Variants in USP34 observed in about 807,000 individuals in gnomAD.
USP34 encodes ubiquitin specific peptidase 34, also known as ubiquitin carboxyl-terminal hydrolase 34.
A neutral mutation model predicts 460.3 loss-of-function variants in USP34; 70 were observed. The observed-to-expected ratio is 0.15, with a 90% CI of 0.13 to 0.19. The LOEUF is 0.19. Among genes scored for constraint, USP34 ranks in the 10% least tolerant of loss-of-function variants. The pLI, the probability that USP34 is intolerant of heterozygous loss-of-function variation, is 1.00. For synonymous variants in USP34, 1,647 were observed against 1,405.3 expected, an observed-to-expected ratio of 1.17 and a Z score of -3.85; for missense variants, 3,985 against 4,236.2, an observed-to-expected ratio of 0.94 and a Z score of 1.65.
At chr2:61,387,565 T>C (rs1037458836) in intron 5 of USP34, among the ~76,000 whole-genome samples, 5 of 146,234 alleles carry the variant, frequency 3.4e-5, no homozygotes, top group African/African-American at 1.2e-4. Context: ...TATTTATATA[T>C]ACACACATAT....
intron 21 of USP34, among the ~76,000 whole-genome samples, chr2:61,325,010 C>G (rs7572603): frequency 0.37 from 55,766 of 151,730 alleles, 10,251 homozygotes; most frequent in African/African-American, 0.39. Flanking sequence ...AACCAAATAC[C>G]GTACATTCTT....
intron 21 of USP34, among the ~76,000 whole-genome samples, chr2:61,320,431 G>GA (rs1405605280): frequency 6.6e-6 from 1 of 152,198 alleles, no homozygotes; most frequent in Non-Finnish European, 1.5e-5. Flanking sequence ...GGTACCCAGA[G>GA]AAAACCCATG....
intron 75 of USP34, among the ~76,000 whole-genome samples, chr2:61,197,449 T>C (rs1312724856): frequency 2.0e-5 from 3 of 152,216 alleles, no homozygotes; most frequent in African/African-American, 7.2e-5. Context: ...AAAGTCAGTA[T>C]TGATATAGTT....
In USP34 at chr2:61,343,861, T is replaced by A. The variant is rs780839655; in HGVS notation, c.2454A>T (p.Gln818His). The A allele has an allele frequency of 3.7e-6, 6 of 1,613,892 alleles. No homozygotes were observed. Among genetic ancestry groups the A allele is most frequent in the Non-Finnish European group, 1.7e-6 (2 of 1,179,932 alleles). Residue 818 changes from glutamine to histidine, a missense_variant, in exon 16 of 80, where the codon CAA (glutamine) becomes CAT (histidine). This residue lies in a region of USP34 where 716 missense variants were observed against 626.2 expected (regional missense o/e 1.14). Transcript: ENST00000398571. ...AAATGGAAGCTAAATTGGGAAGATG[T>A]TGTTGGAGGTGAGATGTCAGTTCCG... ...SHAELTSHLQ[Q>H]HLPNLASIYH...
At chr2:61,435,307 C>CAAAAA (rs59158283) in intron 1 of USP34, among the ~76,000 whole-genome samples, 6,009 of 40,736 alleles carry the variant, frequency 0.15, 1,052 homozygotes, top group African/African-American at 0.2. Context: ...GACCTTGTTT[C>CAAAAA]AAAAAAAAAA....
chr2:61,394,884 A>G lies in USP34; in HGVS notation c.722T>C (p.Ile241Thr), dbSNP rs1274083252. ...CACAACTGTAATAAACGCATGTGCT[A>G]TAAGAAATGGCAAAGTTTCAGGAGT... ...YGTPETLPFL[I>T]AHAFITVVSN... Residue 241 changes from isoleucine (I) to threonine (T), a missense_variant, in exon 5 of 80, where the codon ATA (isoleucine) becomes ACA (threonine). By Grantham distance (89) the Ile-to-Thr change is moderately conservative. This residue lies in a region of USP34 where 331 missense variants were observed against 293.7 expected (regional missense o/e 1.13). Coordinates refer to ENST00000398571, the MANE Select transcript of USP34 (RefSeq NM_014709.4). 5 of 1,596,458 alleles carry G rather than the reference A, an allele frequency of 3.1e-6. No individual in the cohort carries two copies. Among genetic ancestry groups the G allele is most frequent in the African/African-American group, 1.3e-5 (1 of 74,226 alleles).
intron 29 of USP34, among the ~76,000 whole-genome samples, chr2:61,298,279 T>G (rs1690096375): frequency 7.0e-6 from 1 of 142,070 alleles, no homozygotes; most frequent in Non-Finnish European, 1.5e-5. Context: ...CCTAGCACTT[T>G]GGGAGGCAGA....
intron 3 of USP34, among the ~76,000 whole-genome samples, chr2:61,396,177 T>G (rs1473251766): frequency 6.6e-6 from 1 of 152,212 alleles, no homozygotes; most frequent in South Asian, 2.1e-4. Flanking sequence ...TGAAACTGCT[T>G]TGGAATTCCC....
chr2:61,336,122 T>A lies in USP34; in HGVS notation c.2745-2151A>T, dbSNP rs1475123762. ...GTCTCTAGGGAAGCAAAACAAATTG[T>A]GTGTGTGTGTGTGTGTCCGCACAAT... On this transcript the variant is annotated intron_variant, in intron 18 of 79. Coordinates refer to ENST00000398571, the MANE Select transcript of USP34 (RefSeq NM_014709.4). Among the ~76,000 whole-genome samples, 4 of 106,954 alleles carry A rather than the reference T, an allele frequency of 3.7e-5. No homozygotes were observed. In the East Asian group the frequency reaches 1.2e-3, roughly 33 times the overall value. 70.2% of individuals were successfully genotyped at this position (106,954 alleles called of 152,430 possible).
chr2:61,433,659 A>G (rs1694737711), intron 1 of USP34, among the ~76,000 whole-genome samples: 1 of 152,128 alleles, frequency 6.6e-6, no homozygotes, highest in Non-Finnish European at 1.5e-5. Context: ...AATAAAAAGG[A>G]GAATCCCACA....
chr2:61,194,169 G>A, intron 75 of USP34: 1 of 985,320 alleles, frequency 1.0e-6, no homozygotes, highest in South Asian at 4.7e-5. Flanking sequence ...ACTTACCAAG[G>A]ATGCCTAGGA....
intron 1 of USP34, among the ~76,000 whole-genome samples, chr2:61,462,485 G>A (rs185288918): frequency 6.5e-4 from 98 of 150,678 alleles, no homozygotes; most frequent in Admixed American, 1.7e-3. Flanking sequence ...GGAAGAGGAG[G>A]TTGAAGTGAG....
chr2:61,459,630 A>G (rs1695542025), intron 1 of USP34, among the ~76,000 whole-genome samples: 2 of 152,084 alleles, frequency 1.3e-5, no homozygotes, highest in Admixed American at 1.3e-4. Context: ...CAAAAGAATT[A>G]GCCGAGCGTG....
chr2:61,278,438 C>A lies in USP34; in HGVS notation c.5262G>T (p.Thr1754=). The A allele has an allele frequency of 6.4e-7, 1 of 1,569,764 alleles. No individual in the cohort carries two copies. Among genetic ancestry groups the A allele is most frequent in the Non-Finnish European group, 8.6e-7 (1 of 1,163,678 alleles). Residue 1754 remains threonine, a synonymous_variant, in exon 40 of 80, where the codon ACG becomes ACT. Coordinates refer to ENST00000398571, the MANE Select transcript of USP34 (RefSeq NM_014709.4). ...NIHIKDASQT[T]LLDLDALARH... is the part of the protein sequence containing the mutation. ...TTGCCAAGGCATCTAAGTCGAGGAG[C>A]GTTGTCTTAATACAAAAAGAAAATA... is the stretch of plus-strand genomic sequence containing the variant.
At chr2:61,326,688 G>C (rs1444019850) in intron 20 of USP34, among the ~76,000 whole-genome samples, 1 of 151,852 alleles carries the variant, frequency 6.6e-6, no homozygotes, top group Non-Finnish European at 1.5e-5. Flanking sequence ...GGCAGACTGT[G>C]GATCAACTGC....
Position 61,280,264 on chromosome 2 carries a change from G to T in USP34, c.5236C>A (p.His1746Asn). ...WLLCKLVDNIHIKDASQTTLL... is the reference protein window; with the variant it reads ...WLLCKLVDNINIKDASQTTLL... ...CATACCTGACTAGCGTCCTTTATAT[G>T]TATGTTGTCAACTAATTTGCATAAC... Residue 1746 changes from histidine (H) to asparagine (N), a missense_variant, in exon 39 of 80, where the codon CAT becomes AAT. His to Asn is a moderately conservative substitution (Grantham distance 68). Around this residue, in one of 14 missense-constraint regions of USP34, gnomAD observed 1,114 missense variants for 1,122.5 expected, o/e 0.99. Transcript: ENST00000398571. The T allele has an allele frequency of 1.3e-6, 2 of 1,554,892 alleles. No homozygotes were observed. The highest frequency in any genetic ancestry group is 1.2e-5 in the South Asian group (1 of 80,024).
rs529387632 is a variant in USP34 at position 61,348,773 on chromosome 2, G to T, written c.1657C>A (p.Arg553=). 1.8e-4 allele frequency: 289 copies of T among 1,611,988 alleles called. 6 individuals carry two copies. The South Asian group carries it at 3.1e-3, about 17-fold the overall frequency. Residue 553 remains arginine, a synonymous_variant, in exon 14 of 80, where the codon CGA becomes AGA. Transcript: ENST00000398571. Reference sequence around the variant, plus strand: ...TTTCATACCTCTGTGTCTGAAAGTCGTTGTTGCACATGTTTGGTTCTATTA... The same window carrying T: ...TTTCATACCTCTGTGTCTGAAAGTCTTTGTTGCACATGTTTGGTTCTATTA... The part of the protein sequence containing the change: ...LINRTKHVQQ[R]LSDTEESMQG...
intron 69 of USP34, among the ~76,000 whole-genome samples, chr2:61,210,352 T>C (rs12998475): frequency 0.35 from 53,540 of 152,102 alleles, 9,756 homozygotes; most frequent in Non-Finnish European, 0.41. Flanking sequence ...TACGTTTAGA[T>C]ACACAAATAC....
intron 19 of USP34, among the ~76,000 whole-genome samples, chr2:61,333,053 A>G (rs1691316664): frequency 6.6e-6 from 1 of 152,056 alleles, no homozygotes; most frequent in African/African-American, 2.4e-5. Flanking sequence ...AATTTTCCCT[A>G]AAATTCAAAT....
Sources: gnomAD v4.1 joint callset for allele counts (sites outside exome capture counted in the v4.1 genomes callset) on GRCh38, gnomAD v4.1.1 for gene constraint, gnomAD v4.1.1 regional missense constraint, MANE v1.5 for transcripts, NCBI Gene and HGNC (gene_info 2026-07-23, HGNC 2026-07-21) for gene names.